Variants in HUS1 observed in about 807,000 individuals in gnomAD.
The protein encoded by HUS1 is HUS1 checkpoint clamp component, also known as checkpoint protein HUS1.
HUS1 carries 31 observed loss-of-function variants against 32.6 expected under a neutral mutation model. The ratio of observed to expected loss-of-function variants is 0.95; its 90% CI spans 0.72 to 1.28. The LOEUF is 1.28. HUS1 is among the 50% of genes most tolerant of loss of function. The pLI is 0.00. For missense variants in HUS1, 340 were observed against 337.7 expected, an observed-to-expected ratio of 1.01 and a Z score of -0.05; for synonymous variants, 123 against 116.6, an observed-to-expected ratio of 1.06 and a Z score of -0.36.
At position 47,975,623 on chromosome 7, in the gene HUS1, CTGA is replaced by C. The variant is rs1280517989; in HGVS notation, c.527_529del (p.Ile176del). ...GAAGTTGTGACTTACAAGGTGATTG[CTGA>C]TGTTTTTCATTTTTTCCACAACACT... On this transcript the variant is annotated inframe_deletion, in exon 5 of 8. Coordinates refer to ENST00000258774, the MANE Select transcript of HUS1 (RefSeq NM_004507.4). 1 of 1,600,328 alleles carries C rather than the reference CTGA, an allele frequency of 6.2e-7. No individual in the cohort carries two copies. Among genetic ancestry groups the C allele is most frequent in the African/African-American group, 1.3e-5 (1 of 74,720 alleles).
chr7:47,965,895 G>T (rs1408771213), intron 7 of HUS1, among the ~76,000 whole-genome samples: 1 of 152,086 alleles, frequency 6.6e-6, no homozygotes, highest in African/African-American at 2.4e-5. Context: ...AGGGCCATGG[G>T]TGATGGCTAA....
At chr7:47,976,618 C>T (rs3176523) in intron 4 of HUS1, 112 bp downstream of exon 4, 231 of 725,990 alleles carry the variant, frequency 3.2e-4, no homozygotes, top group African/African-American at 7.6e-4. Flanking sequence ...CTAATGTTTT[C>T]GTTAAGTATC....
chr7:47,978,790 C>G lies in HUS1; in HGVS notation c.79G>C (p.Ala27Pro), dbSNP rs780317696. 2 of 1,613,960 alleles carry G rather than the reference C, an allele frequency of 1.2e-6. No homozygotes were observed. The highest frequency in any genetic ancestry group is 2.7e-5 in the African/African-American group (2 of 74,890). ...CTGATGCGGAGGGTGCAGGTTTTGG[C>G]AAGCTTGGCTATCATGTTACTGATT... ...TRISNMIAKL[A>P]KTCTLRISPD... Residue 27 changes from alanine to proline, a missense_variant, in exon 2 of 8, where the codon GCC (alanine) becomes CCC (proline). Coordinates refer to ENST00000258774, the MANE Select transcript of HUS1 (RefSeq NM_004507.4).
chr7:47,973,032 T>C (rs1304987561), intron 5 of HUS1, among the ~76,000 whole-genome samples: 1 of 152,142 alleles, frequency 6.6e-6, no homozygotes, highest in Non-Finnish European at 1.5e-5. Context: ...GTGAGGGAGT[T>C]CTCATGAGAT....
intron 1 of HUS1, 191 bp downstream of exon 1, chr7:47,979,277 G>T: frequency 1.7e-6 from 1 of 591,232 alleles, no homozygotes. Context: ...CCCCACAAGT[G>T]CCCTCCGACC....
At chr7:47,974,222 G>A (rs1788652640) in intron 5 of HUS1, among the ~76,000 whole-genome samples, 1 of 152,220 alleles carries the variant, frequency 6.6e-6, no homozygotes, top group African/African-American at 2.4e-5. Flanking sequence ...TGCCTACTGA[G>A]TGGCAATCCC....
chr7:47,970,186 T>C (rs1788566857), intron 5 of HUS1, among the ~76,000 whole-genome samples: 2 of 139,650 alleles, frequency 1.4e-5, no homozygotes, highest in African/African-American at 5.3e-5. Context: ...TGAGCCGAGA[T>C]TGCGCCACTG....
At chr7:47,973,516 G>T (rs1035779384) in intron 5 of HUS1, among the ~76,000 whole-genome samples, 1 of 152,140 alleles carries the variant, frequency 6.6e-6, no homozygotes, top group African/African-American at 2.4e-5. Flanking sequence ...CACCCCATCA[G>T]TCACACCTCG....
Position 47,963,875 on chromosome 7 carries a change from C to G in HUS1, c.*1481G>C, listed in dbSNP as rs1408976694. 1 of 151,874 alleles carries G rather than the reference C, an allele frequency of 6.6e-6. No individual in the cohort carries two copies. Among genetic ancestry groups the G allele is most frequent in the Non-Finnish European group, 1.5e-5 (1 of 67,988 alleles). 9.4% of individuals were successfully genotyped at this position (151,874 alleles called of 1,614,324 possible). On this transcript the variant is annotated 3_prime_UTR_variant, in exon 8 of 8. Coordinates refer to ENST00000258774, the MANE Select transcript of HUS1 (RefSeq NM_004507.4). ...AAGCCAAGATCGCGCCACTAGCACT[C>G]CAGACTGGCGACAGAGTGAGACTCC...
intron 4 of HUS1, chr7:47,976,518 G>A (rs908882657): frequency 1.6e-5 from 10 of 613,754 alleles, no homozygotes; most frequent in East Asian, 3.4e-5. Flanking sequence ...GTTACTGAGC[G>A]AGACATTTTC....
In HUS1 at chr7:47,973,831, C is replaced by T. The variant is rs140919943; in HGVS notation, c.540+1782G>A. On this transcript the variant is annotated intron_variant, in intron 5 of 7. Coordinates refer to ENST00000258774, the MANE Select transcript of HUS1 (RefSeq NM_004507.4). ...CCTCTCTACCTTGCTGACTCATTTT[C>T]ATTGAACAGAAAGAACAAACAAATG... Among the ~76,000 whole-genome samples, 16 of 152,294 alleles carry T rather than the reference C, an allele frequency of 1.1e-4. No homozygotes were observed. In the East Asian group the frequency reaches 3.1e-3, roughly 29 times the overall value.
At position 47,964,100 on chromosome 7, in the gene HUS1, T is replaced by C. The variant is rs936577356; in HGVS notation, c.*1256A>G. On this transcript the variant is annotated 3_prime_UTR_variant, in exon 8 of 8. Transcript: ENST00000258774. The stretch of plus-strand genomic sequence containing the variant: ...GTGACATTAATATAATGTTTATGGA[T>C]GGGTGTGATGGCTGATGCCTGTAAT... 6.6e-6 allele frequency: 1 copy of C among 152,140 alleles called. No individual in the cohort carries two copies. Among genetic ancestry groups the C allele is most frequent in the Non-Finnish European group, 1.5e-5 (1 of 68,026 alleles). The allele number at this position is 152,140 out of a possible 1,614,324, so 9.4% of individuals were successfully genotyped here.
At position 47,963,911 on chromosome 7, in the gene HUS1, A is replaced by G. The variant is rs1017817098; in HGVS notation, c.*1445T>C. ...ACAGAGTGAGACTCCGTCTCAAAAA[A>G]AAAAACCAAAAAACAAACAAAAAAC... On this transcript the variant is annotated 3_prime_UTR_variant, in exon 8 of 8. Transcript: ENST00000258774. The G allele has an allele frequency of 6.6e-6, 1 of 152,108 alleles. No individual in the cohort carries two copies. The highest frequency in any genetic ancestry group is 2.4e-5 in the African/African-American group (1 of 41,432). The allele number at this position is 152,108 out of a possible 1,614,324, so 9.4% of individuals were successfully genotyped here. A position where few individuals can be genotyped will look rare whatever the true frequency, so the allele number is the denominator to read the frequency against.
intron 5 of HUS1, among the ~76,000 whole-genome samples, chr7:47,974,371 C>CA (rs1242621326): frequency 1.4e-5 from 2 of 147,344 alleles, no homozygotes; most frequent in Non-Finnish European, 3.0e-5. Flanking sequence ...GAGGAGCTTC[C>CA]AGAGGGGTGG....
rs150546331 is a variant in HUS1 at position 47,972,084 on chromosome 7, T to C, written c.541-2766A>G. On this transcript the variant is annotated intron_variant, in intron 5 of 7. Transcript: ENST00000258774. ...ATATATTGTTATATTTCCTAACCCG[T>C]TTTCCTACAATCTGGAACAATAGTT... 7.6e-3 allele frequency among the ~76,000 whole-genome samples: 1,154 copies of C among 152,266 alleles called. 21 individuals carry two copies. The highest frequency in any genetic ancestry group is 0.026 in the African/African-American group (1,083 of 41,534).
chr7:47,972,694 A>T (rs1788623070), intron 5 of HUS1, among the ~76,000 whole-genome samples: 1 of 104,392 alleles, frequency 9.6e-6, no homozygotes, highest in African/African-American at 3.0e-5. Context: ...CTGCACTGTT[A>T]TCCCCATTTG....
chr7:47,966,229 C>T (rs1355746526), intron 7 of HUS1, among the ~76,000 whole-genome samples: 1 of 152,020 alleles, frequency 6.6e-6, no homozygotes, highest in Admixed American at 6.5e-5. Flanking sequence ...ACAATTGAGC[C>T]GACACCTGAA....
At chr7:47,968,386 A>G (rs1016749712) in intron 6 of HUS1, among the ~76,000 whole-genome samples, 2 of 152,228 alleles carry the variant, frequency 1.3e-5, no homozygotes, top group African/African-American at 4.8e-5. Flanking sequence ...GCTTTACACA[A>G]TATTATCAAA....
intron 6 of HUS1, among the ~76,000 whole-genome samples, chr7:47,968,513 T>C (rs530691106): frequency 6.6e-6 from 1 of 152,356 alleles, no homozygotes; most frequent in African/African-American, 2.4e-5. Context: ...TCGTAGTAAC[T>C]TAAATGTGAC....
Sources: allele counts gnomAD v4.1 joint callset (sites outside exome capture counted in the v4.1 genomes callset), GRCh38; gene constraint gnomAD v4.1.1; transcripts MANE v1.5; gene names NCBI Gene and HGNC (gene_info 2026-07-23, HGNC 2026-07-21).